The following SNX27 variants were observed in gnomAD, a reference collection of about 807,000 sequenced individuals.
SNX27 encodes the protein sorting nexin-27.
Under a neutral mutation model 71.6 loss-of-function variants are expected in SNX27, and 22 were observed. The ratio of observed to expected loss-of-function variants is 0.31; its 90% CI spans 0.22 to 0.44. The LOEUF is 0.44. Ranked by LOEUF, SNX27 falls within the 20% of genes least tolerant of loss-of-function variation. The pLI, the probability that SNX27 is intolerant of heterozygous loss-of-function variation, is 1.00. For synonymous variants in SNX27, 269 were observed against 277.2 expected (o/e 0.97, Z 0.29); for missense variants, 531 against 698.6 (o/e 0.76, Z 2.70).
At chr1:151,634,605 AAAGT>A (rs983070367) in intron 1 of SNX27, among the ~76,000 whole-genome samples, 9 of 152,150 alleles carry the variant, frequency 5.9e-5, no homozygotes, top group African/African-American at 2.2e-4. Flanking sequence ...GTCTTATGTA[AAAGT>A]AAGTATTTTA....
intron 2 of SNX27, among the ~76,000 whole-genome samples, chr1:151,649,519 G>T (rs564164100): frequency 6.6e-6 from 1 of 152,258 alleles, no homozygotes; most frequent in South Asian, 2.1e-4. Context: ...GAAGGTTGAG[G>T]CTGCAGTGAG....
At chr1:151,686,472 C>A (rs1671196953) in intron 8 of SNX27, among the ~76,000 whole-genome samples, 1 of 152,140 alleles carries the variant, frequency 6.6e-6, no homozygotes, top group South Asian at 2.1e-4. Flanking sequence ...TGGTCTTTTG[C>A]CATTGTGTAT....
intron 4 of SNX27, chr1:151,661,671 A>C (rs187552575): frequency 0.012 from 1,863 of 152,536 alleles, 85 homozygotes; most frequent in Admixed American, 0.1. Flanking sequence ...GCTAACTTTG[A>C]AAGGAAAAAT....
At chr1:151,668,776 T>A in intron 7 of SNX27, 141 bp downstream of exon 7, 1 of 605,726 alleles carries the variant, frequency 1.7e-6, no homozygotes, top group Non-Finnish European at 2.6e-6. Context: ...TTCTATCCCA[T>A]TTCACGAAAG....
At chr1:151,691,296 G>T (rs1030568208) in intron 8 of SNX27, among the ~76,000 whole-genome samples, 1 of 151,650 alleles carries the variant, frequency 6.6e-6, no homozygotes, top group Non-Finnish European at 1.5e-5. Flanking sequence ...AAGAAAAAGA[G>T]AAATATTTAC....
intron 10 of SNX27, 42 bp from the exon 11 acceptor site, chr1:151,693,381 CT>C (rs3215299): frequency 0.043 from 67,978 of 1,591,476 alleles, 7,226 homozygotes; most frequent in East Asian, 0.31. Flanking sequence ...CCTGAGATGC[CT>C]GCTCTTGAGA....
At chr1:151,674,304 ACAAG>A (rs1024180948) in intron 7 of SNX27, among the ~76,000 whole-genome samples, 1 of 152,336 alleles carries the variant, frequency 6.6e-6, no homozygotes, top group Non-Finnish European at 1.5e-5. Context: ...GCATAAACAA[ACAAG>A]CAAGCAAAAA....
intron 10 of SNX27, 81 bp from the exon 11 acceptor site, chr1:151,693,343 A>G: frequency 7.4e-7 from 1 of 1,351,588 alleles, no homozygotes; most frequent in Non-Finnish European, 1.1e-6. Flanking sequence ...AGATGGGATG[A>G]CTGGGGACAG....
intron 2 of SNX27, among the ~76,000 whole-genome samples, chr1:151,655,489 T>C (rs1669642194): frequency 6.6e-6 from 1 of 152,254 alleles, no homozygotes. Context: ...CTGCAAATTG[T>C]AGCTGCTTTG....
intron 2 of SNX27, among the ~76,000 whole-genome samples, chr1:151,655,652 G>A (rs1375740358): frequency 1.3e-5 from 2 of 152,036 alleles, no homozygotes; most frequent in African/African-American, 2.4e-5. Context: ...CTTTTCTCAG[G>A]GATCACCGTT....
At chr1:151,646,770 C>G (rs1031705416) in intron 2 of SNX27, among the ~76,000 whole-genome samples, 1 of 151,536 alleles carries the variant, frequency 6.6e-6, no homozygotes. Flanking sequence ...AGCTTTCCCT[C>G]TGTTACCAAT....
intron 11 of SNX27, 156 bp downstream of exon 11, chr1:151,693,639 TC>T (rs1671565987): frequency 6.2e-7 from 1 of 1,613,448 alleles, no homozygotes; most frequent in South Asian, 1.1e-5. Flanking sequence ...AGGACATTCT[TC>T]CAGCAAGGTT....
At chr1:151,668,884 G>T (rs769861603) in intron 7 of SNX27, among the ~76,000 whole-genome samples, 16 of 152,088 alleles carry the variant, frequency 1.1e-4, no homozygotes, top group Admixed American at 7.2e-4. Flanking sequence ...AATAGAAAAT[G>T]AGCATTGTGG....
At chr1:151,673,669 A>G (rs1670541730) in intron 7 of SNX27, among the ~76,000 whole-genome samples, 1 of 152,172 alleles carries the variant, frequency 6.6e-6, no homozygotes, top group Admixed American at 6.5e-5. Context: ...CTCTCTCTTT[A>G]GCTGTAATAA....
intron 6 of SNX27, among the ~76,000 whole-genome samples, chr1:151,667,783 C>T (rs1364716511): frequency 1.4e-5 from 2 of 145,772 alleles, no homozygotes; most frequent in African/African-American, 5.1e-5. Context: ...GCCGAGATCC[C>T]GCCACTGCAC....
At position 151,696,490 on chromosome 1, in the gene SNX27, T is replaced by TTTCGTTCTTTCGTTCTTTCGTTCTTTCG. The variant is rs1553267117; in HGVS notation, c.*2076_*2077insGTTCTTTCGTTCTTTCGTTCTTTCGTTC. On this transcript the variant is annotated 3_prime_UTR_variant, in exon 12 of 12. Transcript: ENST00000458013. ...CTTTCTTTCTTTCTTTCTTTCTTTCTTTCTTTCTTTCTTTCGTTCTTTCGT... is the reference window on the plus strand; with the variant it reads ...CTTTCTTTCTTTCTTTCTTTCTTTCTTTCGTTCTTTCGTTCTTTCGTTCTTTCGTTCTTTCTTTCTTTCGTTCTTTCGT... The TTTCGTTCTTTCGTTCTTTCGTTCTTTCG allele has an allele frequency of 4.2e-5, 4 of 95,760 alleles. No individual in the cohort carries two copies. Among genetic ancestry groups the TTTCGTTCTTTCGTTCTTTCGTTCTTTCG allele is most frequent in the Non-Finnish European group, 8.6e-5 (4 of 46,594 alleles). 5.9% of individuals were successfully genotyped at this position (95,760 alleles called of 1,614,324 possible). A position where few individuals can be genotyped will look rare whatever the true frequency, so the allele number is the denominator to read the frequency against.
At chr1:151,628,179 G>C (rs1359650798) in intron 1 of SNX27, among the ~76,000 whole-genome samples, 1 of 151,824 alleles carries the variant, frequency 6.6e-6, no homozygotes, top group Non-Finnish European at 1.5e-5. Flanking sequence ...GCTAATTTTT[G>C]TATTTTTAGT....
At chr1:151,658,919 C>T (rs1005323351) in intron 3 of SNX27, among the ~76,000 whole-genome samples, 8 of 152,116 alleles carry the variant, frequency 5.3e-5, no homozygotes, top group African/African-American at 1.9e-4. Flanking sequence ...CTCTTGACCT[C>T]GTGATCCGCC....
chr1:151,635,132 G>T lies in SNX27; in HGVS notation c.312-3756G>T, dbSNP rs972155368. ...GGCAAGGGAAATTGCTGGTAGAAAA[G>T]GTTTGTATCATCAAGGAGGTGAAAA... is the stretch of plus-strand genomic sequence containing the variant. On this transcript the variant is annotated intron_variant, in intron 1 of 11. Transcript: ENST00000458013. Among the ~76,000 whole-genome samples, 4 of 152,304 alleles carry T rather than the reference G, an allele frequency of 2.6e-5. No individual in the cohort carries two copies. In the East Asian group the frequency reaches 7.7e-4, roughly 29 times the overall value.
Sources: allele counts gnomAD v4.1 joint callset (sites outside exome capture counted in the v4.1 genomes callset), GRCh38; gene constraint gnomAD v4.1.1; transcripts MANE v1.5; gene names NCBI Gene and HGNC (gene_info 2026-07-23, HGNC 2026-07-21).